The following CCSER1 variants were observed in gnomAD, a reference collection of about 807,000 sequenced individuals.
CCSER1 encodes the protein coiled-coil serine rich protein 1.
A neutral mutation model predicts 82.0 loss-of-function variants in CCSER1; 41 were observed. That is an observed-to-expected ratio of 0.50 (90% CI 0.39 to 0.65). The LOEUF (loss-of-function observed/expected upper bound fraction) is 0.65, where lower values mean the gene tolerates loss of function less well. Among genes scored for constraint, CCSER1 ranks in the 30% least tolerant of loss-of-function variants. The pLI, the probability that CCSER1 is intolerant of heterozygous loss-of-function variation, is 0.00. For missense variants in CCSER1, 1,119 were observed against 1,064.2 expected, an observed-to-expected ratio of 1.05 and a Z score of -0.72; for synonymous variants, 414 against 383.9, an observed-to-expected ratio of 1.08 and a Z score of -0.92.
Position 90,573,453 on chromosome 4 carries a change from T to A in CCSER1, c.1725-54572T>A, listed in dbSNP as rs574715982. The stretch of plus-strand genomic sequence containing the variant: ...AAAATCTTGTGCTTGCTTCCCTTCA[T>A]TTCCACAAAGTGGATATTATCTCTC... On this transcript the variant is annotated intron_variant, in intron 5 of 10. Coordinates refer to ENST00000509176, the MANE Select transcript of CCSER1 (RefSeq NM_001145065.2). Among the ~76,000 whole-genome samples the A allele has an allele frequency of 7.2e-5, 11 of 152,320 alleles. No homozygotes were observed. In the East Asian group the frequency reaches 2.1e-3, roughly 29 times the overall value.
At chr4:90,572,148 A>AT (rs1035912606) in intron 5 of CCSER1, among the ~76,000 whole-genome samples, 1 of 151,986 alleles carries the variant, frequency 6.6e-6, no homozygotes, top group African/African-American at 2.4e-5. Context: ...TATTCAGGGT[A>AT]TTTTTCCTTC....
chr4:90,838,879 T>C, intron 8 of CCSER1: 2 of 1,612,860 alleles, frequency 1.2e-6, no homozygotes, highest in Non-Finnish European at 1.7e-6. Flanking sequence ...GAATGTACAG[T>C]GCATATTGGC....
chr4:90,772,452 A>G (rs879729152), intron 7 of CCSER1, among the ~76,000 whole-genome samples: 1 of 152,178 alleles, frequency 6.6e-6, no homozygotes, highest in Non-Finnish European at 1.5e-5. Flanking sequence ...AAAATTTCTC[A>G]CAGAAAATGT....
At chr4:90,350,608 C>T (rs1285429172) in intron 3 of CCSER1, among the ~76,000 whole-genome samples, 2 of 152,026 alleles carry the variant, frequency 1.3e-5, no homozygotes, top group Non-Finnish European at 2.9e-5. Context: ...AATCTACAGA[C>T]ATAAATTAAT....
chr4:91,237,449 AAGTCCTGTCCTGC>A (rs1317747475), intron 10 of CCSER1, among the ~76,000 whole-genome samples: 1 of 151,746 alleles, frequency 6.6e-6, no homozygotes, highest in Admixed American at 6.6e-5. Context: ...ACCCCCATGC[AAGTCCTGTCCTGC>A]AGTCAGAAAT....
At chr4:91,403,680 T>C (rs1036419030) in intron 10 of CCSER1, among the ~76,000 whole-genome samples, 1 of 152,218 alleles carries the variant, frequency 6.6e-6, no homozygotes. Flanking sequence ...TGGTTCTGTT[T>C]GTATGATGGA....
chr4:91,002,635 A>T (rs1204372824), intron 9 of CCSER1, among the ~76,000 whole-genome samples: 1 of 151,636 alleles, frequency 6.6e-6, no homozygotes, highest in Admixed American at 6.6e-5. Context: ...TTCATTGAAT[A>T]TTTTTCCCTT....
chr4:90,155,045 A>G (rs1003792535), intron 1 of CCSER1, among the ~76,000 whole-genome samples: 4 of 152,306 alleles, frequency 2.6e-5, no homozygotes, highest in East Asian at 3.9e-4. Context: ...TTATTTTGAG[A>G]TACATCCCAT....
chr4:90,819,171 AGAG>A (rs1759418748), intron 8 of CCSER1, among the ~76,000 whole-genome samples: 1 of 152,032 alleles, frequency 6.6e-6, no homozygotes, highest in African/African-American at 2.4e-5. Context: ...GAGAGAGAGA[AGAG>A]GGAGAAAGAG....
intron 3 of CCSER1, among the ~76,000 whole-genome samples, chr4:90,314,941 A>C (rs893560977): frequency 7.6e-6 from 1 of 131,940 alleles, no homozygotes; most frequent in Non-Finnish European, 1.5e-5. Flanking sequence ...CTACCTCCCC[A>C]GTTCAAGCAA....
At chr4:91,120,914 G>A (rs11936964) in intron 10 of CCSER1, among the ~76,000 whole-genome samples, 78,787 of 151,590 alleles carry the variant, frequency 0.52, 20,776 homozygotes, top group East Asian at 0.68. Flanking sequence ...TTACAAAGGA[G>A]TGAATGAGTA....
intron 4 of CCSER1, among the ~76,000 whole-genome samples, chr4:90,454,340 C>T (rs565174473): frequency 6.6e-6 from 1 of 151,542 alleles, no homozygotes; most frequent in South Asian, 2.1e-4. Flanking sequence ...ATTTTTGCAG[C>T]TTCCTTCTGA....
chr4:90,581,198 T>C (rs1164760629), intron 5 of CCSER1, among the ~76,000 whole-genome samples: 1 of 152,048 alleles, frequency 6.6e-6, no homozygotes, highest in Non-Finnish European at 1.5e-5. Flanking sequence ...ATCTCAAAAT[T>C]ACCCCATTAG....
At chr4:91,413,697 A>G (rs181279451) in intron 10 of CCSER1, among the ~76,000 whole-genome samples, 131 of 152,168 alleles carry the variant, frequency 8.6e-4, no homozygotes, top group African/African-American at 3.0e-3. Flanking sequence ...CAGAATAATA[A>G]AGCTCTGGGG....
chr4:91,565,575 G>A (rs143998759), intron 10 of CCSER1, among the ~76,000 whole-genome samples: 1,859 of 151,840 alleles, frequency 0.012, 25 homozygotes, highest in African/African-American at 0.041. Context: ...TCTGATTTCT[G>A]TGAGCAGTTT....
At chr4:90,157,493 C>G (rs917422478) in intron 1 of CCSER1, among the ~76,000 whole-genome samples, 9 of 152,178 alleles carry the variant, frequency 5.9e-5, no homozygotes, top group Non-Finnish European at 1.0e-4. Context: ...CCATTCTCCC[C>G]GTCACTTTCA....
intron 10 of CCSER1, among the ~76,000 whole-genome samples, chr4:91,468,922 G>A (rs904058625): frequency 2.0e-5 from 3 of 152,026 alleles, no homozygotes; most frequent in Non-Finnish European, 4.4e-5. Context: ...AATTTTAAGG[G>A]ATATTAGGCC....
chr4:90,932,910 G>T (rs1220215542), intron 9 of CCSER1, among the ~76,000 whole-genome samples: 1 of 9,010 alleles, frequency 1.1e-4, no homozygotes, highest in East Asian at 2.4e-3. Flanking sequence ...GAAAGAAGGA[G>T]AAAGAAAGAA....
rs1185061759 is a variant in CCSER1 at position 90,369,256 on chromosome 4, TGAG to T, written c.1510-30774_1510-30772del. On this transcript the variant is annotated intron_variant, in intron 3 of 10. Coordinates refer to ENST00000509176, the MANE Select transcript of CCSER1 (RefSeq NM_001145065.2). Reference sequence around the variant, plus strand: ...AAAAGGAGAAGGACAAAGATGAGGATGAGGAGGAAGAAAGAAGAAGAAGAAAGA... The same window carrying T: ...AAAAGGAGAAGGACAAAGATGAGGATGAGGAAGAAAGAAGAAGAAGAAAGA... Among the ~76,000 whole-genome samples, 61 of 81,998 alleles carry T rather than the reference TGAG, an allele frequency of 7.4e-4. 1 individual carries two copies. Among genetic ancestry groups the T allele is most frequent in the Middle Eastern group, 0.022 (2 of 90 alleles). 53.8% of individuals were successfully genotyped at this position (81,998 alleles called of 152,430 possible). A position where few individuals can be genotyped will look rare whatever the true frequency, so the allele number is the denominator to read the frequency against.
Sources: allele counts gnomAD v4.1 joint callset (sites outside exome capture counted in the v4.1 genomes callset), GRCh38; gene constraint gnomAD v4.1.1; transcripts MANE v1.5; gene names NCBI Gene and HGNC (gene_info 2026-07-23, HGNC 2026-07-21).